The following GAS7 variants were observed in gnomAD, a reference collection of about 807,000 sequenced individuals.
GAS7 encodes growth arrest specific 7, also known as growth arrest-specific protein 7.
A neutral mutation model predicts 71.1 loss-of-function variants in GAS7; 28 were observed. That is an observed-to-expected ratio of 0.39 (90% CI 0.29 to 0.54). GAS7 has a LOEUF of 0.54. GAS7 is among the 20% of genes least tolerant of loss of function. The probability of loss-of-function intolerance (pLI) is 0.62; values close to 1 mark genes in which losing one functional copy is unlikely to be tolerated. For synonymous variants in GAS7, 258 were observed against 245.8 expected, an observed-to-expected ratio of 1.05 and a Z score of -0.46; for missense variants, 436 against 627.8, an observed-to-expected ratio of 0.69 and a Z score of 3.27.
At position 10,097,772 on chromosome 17, in the gene GAS7, G is replaced by A. The variant is rs535477148; in HGVS notation, c.184-77875C>T. Among the ~76,000 whole-genome samples the A allele has an allele frequency of 4.6e-5, 7 of 152,204 alleles. No homozygotes were observed. In the East Asian group the frequency reaches 5.8e-4, roughly 13 times the overall value. ...AAAATGTACACTGGGGGCCAGGCACGGTGGCTCACCCCTGTAATCCCAGCA... is the reference window on the plus strand; with the variant it reads ...AAAATGTACACTGGGGGCCAGGCACAGTGGCTCACCCCTGTAATCCCAGCA... On this transcript the variant is annotated intron_variant, in intron 1 of 13. Coordinates refer to ENST00000432992, the MANE Select transcript of GAS7 (RefSeq NM_201433.2).
intron 1 of GAS7, among the ~76,000 whole-genome samples, chr17:10,133,984 C>T (rs767936555): frequency 6.6e-6 from 1 of 152,092 alleles, no homozygotes; most frequent in Non-Finnish European, 1.5e-5. Flanking sequence ...TTTCTTTGAG[C>T]ATCATGACAG....
In GAS7 at chr17:9,989,009, C is replaced by T. The variant is rs2070744497; in HGVS notation, c.305-7125G>A. ...GACTACAGGAGCCTGCCACCACGCC[C>T]GGCTAATTTTTTTGTATTTTTAGTA... On this transcript the variant is annotated intron_variant, in intron 2 of 13. Transcript: ENST00000432992. Among the ~76,000 whole-genome samples, 5 of 152,188 alleles carry T rather than the reference C, an allele frequency of 3.3e-5. No homozygotes were observed. In the South Asian group the frequency reaches 6.2e-4, roughly 19 times the overall value.
intron 1 of GAS7, among the ~76,000 whole-genome samples, chr17:10,045,383 T>A (rs995550678): frequency 2.0e-5 from 3 of 152,172 alleles, no homozygotes; most frequent in African/African-American, 7.2e-5. Flanking sequence ...AAAATTTCTA[T>A]GTGTCCCACC....
At chr17:10,126,546 G>GCACA (rs201631689) in intron 1 of GAS7, among the ~76,000 whole-genome samples, 1 of 151,704 alleles carries the variant, frequency 6.6e-6, no homozygotes, top group East Asian at 1.9e-4. Flanking sequence ...CACAAAGAGC[G>GCACA]CACACACGCA....
At chr17:10,035,972 G>A (rs188614380) in intron 1 of GAS7, among the ~76,000 whole-genome samples, 1 of 152,246 alleles carries the variant, frequency 6.6e-6, no homozygotes, top group Admixed American at 6.5e-5. Context: ...GCTAGAACTG[G>A]GCCGTGGGGT....
intron 1 of GAS7, among the ~76,000 whole-genome samples, chr17:10,181,534 T>C (rs1237101185): frequency 6.6e-6 from 1 of 151,944 alleles, no homozygotes; most frequent in African/African-American, 2.4e-5. Context: ...AAGAATCAGG[T>C]AGTTCCATGT....
At chr17:10,003,921 A>G (rs1202550853) in intron 2 of GAS7, among the ~76,000 whole-genome samples, 2 of 152,156 alleles carry the variant, frequency 1.3e-5, no homozygotes, top group Non-Finnish European at 2.9e-5. Flanking sequence ...TGAAGTAACA[A>G]AAAAGCTATT....
At chr17:10,196,728 G>A (rs906614147) in intron 1 of GAS7, among the ~76,000 whole-genome samples, 1 of 152,178 alleles carries the variant, frequency 6.6e-6, no homozygotes, top group Non-Finnish European at 1.5e-5. Context: ...AGAATTTCCT[G>A]GAAAAGGGTG....
chr17:9,975,937 G>A (rs957820030), intron 3 of GAS7, among the ~76,000 whole-genome samples: 2 of 151,988 alleles, frequency 1.3e-5, no homozygotes, highest in African/African-American at 4.8e-5. Context: ...GTGCTCATCC[G>A]GTCTGATGAC....
At chr17:9,935,023 C>T (rs1597479897) in intron 8 of GAS7, among the ~76,000 whole-genome samples, 1 of 152,216 alleles carries the variant, frequency 6.6e-6, no homozygotes, top group African/African-American at 2.4e-5. Flanking sequence ...ACTGGGATTA[C>T]AGGCATAAGC....
At position 9,917,356 on chromosome 17, in the gene GAS7, G is replaced by GA; in HGVS notation, c.1318-16dup. The GA allele has an allele frequency of 6.3e-7, 1 of 1,577,104 alleles. No individual in the cohort carries two copies. Among genetic ancestry groups the GA allele is most frequent in the Non-Finnish European group, 8.7e-7 (1 of 1,146,140 alleles). On this transcript the variant is annotated splice_polypyrimidine_tract_variant and intron_variant, in intron 13 of 13. Coordinates refer to ENST00000432992, the MANE Select transcript of GAS7 (RefSeq NM_201433.2). ...GGCTCGACTGTCTGCAAGAGACAGA[G>GA]AAAATGCGACACTGTTAGAGACGGC...
intron 1 of GAS7, among the ~76,000 whole-genome samples, chr17:10,027,953 G>C (rs1002896161): frequency 6.6e-6 from 1 of 152,144 alleles, no homozygotes; most frequent in Admixed American, 6.5e-5. Flanking sequence ...GCACGATCTC[G>C]GCTCACTACA....
At chr17:10,066,525 A>G (rs3865254) in intron 1 of GAS7, among the ~76,000 whole-genome samples, 86,382 of 151,930 alleles carry the variant, frequency 0.57, 25,138 homozygotes, top group African/African-American at 0.68. Context: ...TTGCAGAGAC[A>G]GACTCTTGCT....
At chr17:10,190,453 C>T (rs1164758941) in intron 1 of GAS7, among the ~76,000 whole-genome samples, 2 of 151,646 alleles carry the variant, frequency 1.3e-5, no homozygotes, top group Non-Finnish European at 2.9e-5. Context: ...CGTGGTGGTG[C>T]GTGCCTGTAA....
At chr17:10,111,041 G>C (rs1342806410) in intron 1 of GAS7, among the ~76,000 whole-genome samples, 3 of 152,164 alleles carry the variant, frequency 2.0e-5, no homozygotes, top group African/African-American at 7.2e-5. Flanking sequence ...TTTAGACAGG[G>C]CTAGTTTGCT....
chr17:10,088,256 T>A (rs866959331), intron 1 of GAS7, among the ~76,000 whole-genome samples: 27 of 144,556 alleles, frequency 1.9e-4, no homozygotes, highest in African/African-American at 5.1e-4. Flanking sequence ...ATAATAATAA[T>A]AAATATGTAT....
intron 1 of GAS7, among the ~76,000 whole-genome samples, chr17:10,058,300 A>C (rs1010511436): frequency 6.6e-6 from 1 of 152,204 alleles, no homozygotes; most frequent in Non-Finnish European, 1.5e-5. Context: ...CAAACAAAAA[A>C]AAATTAGCCA....
At chr17:9,950,964 C>T (rs2068983166) in intron 5 of GAS7, among the ~76,000 whole-genome samples, 1 of 152,120 alleles carries the variant, frequency 6.6e-6, no homozygotes, top group Non-Finnish European at 1.5e-5. Flanking sequence ...AGTTTTCTCC[C>T]AGGCCTCAGC....
At chr17:10,098,741 C>T (rs922590655) in intron 1 of GAS7, among the ~76,000 whole-genome samples, 7 of 152,128 alleles carry the variant, frequency 4.6e-5, no homozygotes, top group Non-Finnish European at 8.8e-5. Context: ...GGGCGGATCA[C>T]GAGGTCAGGA....
Sources: gnomAD v4.1 joint callset for allele counts (sites outside exome capture counted in the v4.1 genomes callset) on GRCh38, gnomAD v4.1.1 for gene constraint, MANE v1.5 for transcripts, NCBI Gene and HGNC (gene_info 2026-07-23, HGNC 2026-07-21) for gene names.